Variants in GNA12 observed in about 807,000 individuals in gnomAD.
GNA12 encodes the protein guanine nucleotide-binding protein subunit alpha-12.
GNA12 carries 9 observed loss-of-function variants against 26.0 expected under a neutral mutation model. The observed-to-expected ratio is 0.35, with a 90% CI of 0.21 to 0.60. The LOEUF (loss-of-function observed/expected upper bound fraction) is 0.60, where lower values mean the gene tolerates loss of function less well. Among genes scored for constraint, GNA12 ranks in the 20% least tolerant of loss-of-function variants. The pLI, the probability that GNA12 is intolerant of heterozygous loss-of-function variation, is 0.78. For missense variants in GNA12, 405 were observed against 525.8 expected (o/e 0.77, Z 2.25); for synonymous variants, 264 against 219.6 (o/e 1.20, Z -1.79).
At chr7:2,807,372 CTCT>C (rs1792973735) in intron 1 of GNA12, among the ~76,000 whole-genome samples, 1 of 152,114 alleles carries the variant, frequency 6.6e-6, no homozygotes. Context: ...AATTTCTAGT[CTCT>C]TGTTTCCAGT....
intron 1 of GNA12, among the ~76,000 whole-genome samples, chr7:2,822,031 C>G (rs1005963829): frequency 6.6e-6 from 1 of 152,166 alleles, no homozygotes; most frequent in Non-Finnish European, 1.5e-5. Flanking sequence ...GATGTGATGA[C>G]TAGAACTATG....
intron 2 of GNA12, among the ~76,000 whole-genome samples, chr7:2,764,244 CT>C (rs35992308): frequency 0.27 from 37,366 of 139,216 alleles, 4,997 homozygotes; most frequent in Non-Finnish European, 0.3. Flanking sequence ...CAGCTAATTT[CT>C]TTTTTTTTTT....
intron 2 of GNA12, among the ~76,000 whole-genome samples, chr7:2,772,358 G>C (rs886192964): frequency 1.3e-5 from 2 of 152,102 alleles, no homozygotes; most frequent in Non-Finnish European, 1.5e-5. Context: ...TCAGGAGCTC[G>C]AGACCATCCT....
chr7:2,810,510 C>A (rs1264589740), intron 1 of GNA12, among the ~76,000 whole-genome samples: 1 of 152,186 alleles, frequency 6.6e-6, no homozygotes, highest in African/African-American at 2.4e-5. Flanking sequence ...AACCATGCTA[C>A]AGCCTTTAGA....
At chr7:2,813,078 C>T (rs572948036) in intron 1 of GNA12, among the ~76,000 whole-genome samples, 2 of 152,272 alleles carry the variant, frequency 1.3e-5, no homozygotes, top group South Asian at 4.1e-4. Context: ...CGGCATTCAC[C>T]ACCATACCCA....
chr7:2,773,738 C>T (rs945269967), intron 2 of GNA12, among the ~76,000 whole-genome samples: 2 of 152,292 alleles, frequency 1.3e-5, no homozygotes, highest in Admixed American at 6.5e-5. Context: ...CCCAGGCACA[C>T]CTGGATGCCC....
intron 2 of GNA12, among the ~76,000 whole-genome samples, chr7:2,784,534 T>C (rs1041327426): frequency 1.3e-5 from 2 of 152,242 alleles, no homozygotes; most frequent in African/African-American, 2.4e-5. Flanking sequence ...CCTCACTGTA[T>C]ACTCCTACCT....
chr7:2,823,799 A>T, intron 1 of GNA12, among the ~76,000 whole-genome samples: 1 of 152,248 alleles, frequency 6.6e-6, no homozygotes, highest in East Asian at 1.9e-4. Context: ...TAAACTTCAT[A>T]GAATAAAGAT....
chr7:2,741,032 G>A (rs9770108), intron 2 of GNA12, among the ~76,000 whole-genome samples: 20,636 of 151,866 alleles, frequency 0.14, 1,486 homozygotes, highest in Middle Eastern at 0.19. Context: ...GCGACAGAGC[G>A]AGACTCCGTC....
intron 2 of GNA12, among the ~76,000 whole-genome samples, chr7:2,756,605 TCAAACAAA>T (rs139218513): frequency 3.3e-5 from 5 of 151,418 alleles, no homozygotes; most frequent in African/African-American, 9.7e-5. Context: ...AGACCCTGTC[TCAAACAAA>T]CAAACAAACA....
chr7:2,814,303 G>T (rs1360652224), intron 1 of GNA12: 1 of 1,479,408 alleles, frequency 6.8e-7, no homozygotes, highest in East Asian at 2.3e-5. Context: ...TGAACGGAGT[G>T]AGACTCACCC....
chr7:2,836,211 A>G (rs756884693), intron 1 of GNA12, among the ~76,000 whole-genome samples: 13 of 152,218 alleles, frequency 8.5e-5, no homozygotes, highest in Non-Finnish European at 1.8e-4. Context: ...CAGAAATCCT[A>G]TGTGCAAATT....
At chr7:2,733,531 A>G (rs1790007282) in intron 2 of GNA12, 30 bp from the exon 3 acceptor site, 2 of 1,575,126 alleles carry the variant, frequency 1.3e-6, no homozygotes, top group South Asian at 2.2e-5. Context: ...TTCACAGCTC[A>G]GTCTGGACTG....
At chr7:2,746,320 T>A (rs1263478642) in intron 2 of GNA12, among the ~76,000 whole-genome samples, 1 of 152,152 alleles carries the variant, frequency 6.6e-6, no homozygotes, top group African/African-American at 2.4e-5. Context: ...TATAACAAAC[T>A]GTCTCTCAGA....
intron 2 of GNA12, chr7:2,764,882 T>G (rs1167820846): frequency 6.6e-6 from 1 of 152,242 alleles, no homozygotes; most frequent in Non-Finnish European, 1.5e-5. Flanking sequence ...CTCAGAGGCT[T>G]AAGCACGCGT....
chr7:2,801,029 G>T (rs1157962737), intron 1 of GNA12, among the ~76,000 whole-genome samples: 2 of 152,010 alleles, frequency 1.3e-5, no homozygotes, highest in Non-Finnish European at 2.9e-5. Context: ...GATTTCTCTG[G>T]CGAGGTCTCG....
chr7:2,731,623 C>T lies in GNA12; in HGVS notation c.704G>A (p.Arg235His). 3 of 1,613,802 alleles carry T rather than the reference C, an allele frequency of 1.9e-6. No homozygotes were observed. The highest frequency in any genetic ancestry group is 1.7e-6 in the Non-Finnish European group (2 of 1,179,922). Residue 235 changes from arginine (R) to histidine (H), a missense_variant, in exon 4 of 4, where the codon CGC becomes CAC. Transcript: ENST00000275364. This position sits in a 1 kb window ranked among gnomAD's most constrained non-coding sequence, Gnocchi z 6.0. Reference protein sequence around the residue: ...MVDVGGQRSQRQKWFQCFDGI... With the variant: ...MVDVGGQRSQHQKWFQCFDGI... Reference sequence around the variant, plus strand: ...GTCGAAGCACTGGAACCACTTCTGGCGCTGGGACCGCTGGCCGCCCACATC... The same window carrying T: ...GTCGAAGCACTGGAACCACTTCTGGTGCTGGGACCGCTGGCCGCCCACATC...
chr7:2,749,632 G>A (rs1024623299), intron 2 of GNA12, among the ~76,000 whole-genome samples: 49 of 152,048 alleles, frequency 3.2e-4, no homozygotes, highest in African/African-American at 8.7e-4. Context: ...TGCACGTTGT[G>A]CACATGTACC....
intron 2 of GNA12, among the ~76,000 whole-genome samples, chr7:2,778,480 CAG>C (rs1278188064): frequency 1.3e-5 from 2 of 152,230 alleles, no homozygotes; most frequent in Non-Finnish European, 2.9e-5. Context: ...CTCACACCAA[CAG>C]CTCCCTACTT....
Sources: gnomAD v4.1 joint callset for allele counts (sites outside exome capture counted in the v4.1 genomes callset) on GRCh38, gnomAD v4.1.1 for gene constraint, Gnocchi (gnomAD v3.1) non-coding constraint, MANE v1.5 for transcripts, NCBI Gene and HGNC (gene_info 2026-07-23, HGNC 2026-07-21) for gene names.